TBCD: variants seen among roughly 807,000 people sequenced by gnomAD.
The protein encoded by TBCD is tubulin-specific chaperone D.
TBCD carries 105 observed loss-of-function variants against 169.3 expected under a neutral mutation model. The ratio of observed to expected loss-of-function variants is 0.62; its 90% CI spans 0.53 to 0.73. The LOEUF (loss-of-function observed/expected upper bound fraction) is 0.73, where lower values mean the gene tolerates loss of function less well. Among genes scored for constraint, TBCD ranks in the 30% least tolerant of loss-of-function variants. The pLI is 0.00. For missense variants in TBCD, 1,444 were observed against 1,600.1 expected, an observed-to-expected ratio of 0.90 and a Z score of 1.66; for synonymous variants, 700 against 643.9, an observed-to-expected ratio of 1.09 and a Z score of -1.32.
At chr17:82,786,516 C>A (rs1010168679) in intron 7 of TBCD, among the ~76,000 whole-genome samples, 3 of 152,334 alleles carry the variant, frequency 2.0e-5, no homozygotes, top group Admixed American at 2.0e-4. Flanking sequence ...GGCCTGGGAG[C>A]CTCCCCTCCT....
chr17:82,907,790 C>G lies in TBCD; in HGVS notation c.1952C>G (p.Ala651Gly). The G allele has an allele frequency of 6.2e-7, 1 of 1,613,678 alleles. No individual in the cohort carries two copies. ...GTCACGGACCATCTGGACGAGCAGG[C>G]AGTGCAGGGCCTGAAGCAGATTCAC... The part of the protein sequence containing the change: ...RPVTDHLDEQ[A>G]VQGLKQIHQQ... Residue 651 changes from alanine (A) to glycine (G), a missense_variant, in exon 21 of 39, where the codon GCA (alanine) becomes GGA (glycine). Transcript: ENST00000355528.
intron 25 of TBCD, 77 bp downstream of exon 25, chr17:82,921,654 C>T (rs566615916): frequency 1.0e-5 from 14 of 1,364,944 alleles, no homozygotes; most frequent in Admixed American, 3.4e-5. Context: ...TTTGTGTTGG[C>T]GACTGTGCAT....
chr17:82,755,100 ATC>A (rs1446401817), intron 1 of TBCD, among the ~76,000 whole-genome samples: 2 of 152,228 alleles, frequency 1.3e-5, no homozygotes, highest in African/African-American at 4.8e-5. Context: ...AAGGCGGGAC[ATC>A]TTGGGTGGGA....
chr17:82,825,385 C>G (rs183713192), intron 13 of TBCD, among the ~76,000 whole-genome samples: 2 of 152,132 alleles, frequency 1.3e-5, no homozygotes, highest in African/African-American at 4.8e-5. Flanking sequence ...GCTCCCTGCA[C>G]GGCTGTTTAG....
intron 4 of TBCD, among the ~76,000 whole-genome samples, chr17:82,767,915 C>G (rs62076554): frequency 0.2 from 29,941 of 151,154 alleles, 3,268 homozygotes; most frequent in East Asian, 0.4. Context: ...GGTTGCGCCA[C>G]TGCACTCCAG....
rs916482512 is a variant in TBCD, at chr17:82,752,118, A to G, written c.-76A>G. The G allele has an allele frequency of 7.2e-6, 10 of 1,393,548 alleles. No homozygotes were observed. In the Admixed American group the frequency reaches 2.0e-4, roughly 29 times the overall value. 86.3% of individuals were successfully genotyped at this position (1,393,548 alleles called of 1,614,324 possible). A position where few individuals can be genotyped will look rare whatever the true frequency, so the allele number is the denominator to read the frequency against. ...GCCTCCTTTTCATCCCTCATCCTTC[A>G]TCCCTGGCTTTCGCGCTCTAGCGGA... On this transcript the variant is annotated 5_prime_UTR_variant, in exon 1 of 39. Transcript: ENST00000355528.
intron 6 of TBCD, among the ~76,000 whole-genome samples, chr17:82,774,692 T>G (rs1218303511): frequency 6.6e-6 from 1 of 152,112 alleles, no homozygotes; most frequent in Non-Finnish European, 1.5e-5. Flanking sequence ...CCCACCCGAG[T>G]GTGTCTACCT....
chr17:82,791,455 T>C lies in TBCD; in HGVS notation c.772-6302T>C, dbSNP rs149792274. Among the ~76,000 whole-genome samples the C allele has an allele frequency of 8.5e-5, 13 of 152,292 alleles. No homozygotes were observed. In the East Asian group the frequency reaches 2.1e-3, roughly 25 times the overall value. On this transcript the variant is annotated intron_variant, in intron 7 of 38. Transcript: ENST00000355528. ...GTGGTTCACTTTTGCGAGCTTTTGC[T>C]GGGCCTTGGAAGGTGCGTGGGCTCG... is the stretch of plus-strand genomic sequence containing the variant.
chr17:82,772,367 T>C (rs2048352985), intron 5 of TBCD, 85 bp from the exon 6 acceptor site: 1 of 1,395,122 alleles, frequency 7.2e-7, no homozygotes, highest in African/African-American at 1.4e-5. Flanking sequence ...GGGGAGCTGG[T>C]GAGGGTGGGA....
chr17:82,926,505 G>A lies in TBCD; in HGVS notation c.2471+14G>A, dbSNP rs1326748223. ...GGCCATTGCGAGGTGAGTCCCAACA[G>A]TTCCTCCCTAAAGTCGTAAGTCTCT... On this transcript the variant is annotated intron_variant, in intron 28 of 38. Coordinates refer to ENST00000355528, the MANE Select transcript of TBCD (RefSeq NM_005993.5). 10 of 1,611,664 alleles carry A rather than the reference G, an allele frequency of 6.2e-6. No homozygotes were observed. The highest frequency in any genetic ancestry group is 1.3e-5 in the African/African-American group (1 of 74,866).
chr17:82,938,704 C>T (rs900045200), intron 36 of TBCD, among the ~76,000 whole-genome samples: 4 of 152,072 alleles, frequency 2.6e-5, no homozygotes, highest in African/African-American at 7.2e-5. Flanking sequence ...AGACCACCAG[C>T]GCAGTGAGAC....
chr17:82,897,954 G>A (rs1007470876), intron 17 of TBCD, among the ~76,000 whole-genome samples: 32 of 151,794 alleles, frequency 2.1e-4, no homozygotes, highest in African/African-American at 7.5e-4. Context: ...TTTGGTGTGA[G>A]CACACGTCAC....
intron 18 of TBCD, 57 bp downstream of exon 18, chr17:82,900,788 C>T (rs1261539259): frequency 5.2e-6 from 7 of 1,339,244 alleles, no homozygotes; most frequent in Admixed American, 3.4e-5. Flanking sequence ...AGGAGAGATT[C>T]AGTTGAGCTT....
intron 7 of TBCD, among the ~76,000 whole-genome samples, chr17:82,787,360 G>A (rs1240591439): frequency 1.3e-5 from 2 of 152,248 alleles, no homozygotes; most frequent in African/African-American, 4.8e-5. Flanking sequence ...TGGCGGGGCC[G>A]GGCTTCTGGC....
intron 13 of TBCD, among the ~76,000 whole-genome samples, chr17:82,823,085 C>T (rs1228297045): frequency 1.3e-5 from 2 of 152,212 alleles, no homozygotes; most frequent in African/African-American, 2.4e-5. Context: ...CTCTGGAGCA[C>T]TGAGGTGGAT....
intron 6 of TBCD, among the ~76,000 whole-genome samples, chr17:82,777,069 G>T (rs2048645607): frequency 2.0e-5 from 3 of 151,120 alleles, no homozygotes; most frequent in South Asian, 4.2e-4. Context: ...CTTTTTTTTT[G>T]GACCAAAGTT....
At chr17:82,763,268 T>C (rs1222400748) in intron 2 of TBCD, among the ~76,000 whole-genome samples, 1 of 152,232 alleles carries the variant, frequency 6.6e-6, no homozygotes, top group Admixed American at 6.5e-5. Context: ...TTGATCCTTT[T>C]ATTATCATGA....
intron 9 of TBCD, among the ~76,000 whole-genome samples, chr17:82,801,899 T>G (rs1164295914): frequency 2.1e-5 from 3 of 141,528 alleles, no homozygotes; most frequent in Non-Finnish European, 4.6e-5. Context: ...GGAGTCAGCG[T>G]GGCAGGAGGG....
rs764604316 is a variant in TBCD at position 82,901,069 on chromosome 17, G to A, written c.1730+338G>A. 2.6e-5 allele frequency among the ~76,000 whole-genome samples: 4 copies of A among 152,226 alleles called. No individual in the cohort carries two copies. In the East Asian group the frequency reaches 7.7e-4, roughly 29 times the overall value. On this transcript the variant is annotated intron_variant, in intron 18 of 38. Coordinates refer to ENST00000355528, the MANE Select transcript of TBCD (RefSeq NM_005993.5). ...GTTGTCTCCCTCAGCAGTGCTTCCC[G>A]CTGACTCTGCTCCATGTGGCTCCAC...
Sources: gnomAD v4.1 joint callset for allele counts (sites outside exome capture counted in the v4.1 genomes callset) on GRCh38, gnomAD v4.1.1 for gene constraint, MANE v1.5 for transcripts, NCBI Gene and HGNC (gene_info 2026-07-23, HGNC 2026-07-21) for gene names.